CCDC102B: variants seen among roughly 807,000 people sequenced by gnomAD.
The protein encoded by CCDC102B is coiled-coil domain-containing protein 102B.
A neutral mutation model predicts 57.4 loss-of-function variants in CCDC102B; 75 were observed. The observed-to-expected ratio is 1.31, with a 90% CI of 1.08 to 1.58. CCDC102B has a LOEUF of 1.58. Ranked by LOEUF, CCDC102B falls within the 40% of genes most tolerant of loss-of-function variation. CCDC102B has a pLI of 0.00. For missense variants in CCDC102B, 636 were observed against 582.6 expected (o/e 1.09, Z -0.94); for synonymous variants, 206 against 201.9 (o/e 1.02, Z -0.17).
At chr18:68,938,906 T>G (rs1023007894) in intron 6 of CCDC102B, among the ~76,000 whole-genome samples, 3 of 151,802 alleles carry the variant, frequency 2.0e-5, no homozygotes, top group Non-Finnish European at 3.0e-5. Context: ...CAATAAAATA[T>G]CAATTAAATT....
At chr18:68,866,787 T>A (rs2039004772) in intron 4 of CCDC102B, 1 of 686,648 alleles carries the variant, frequency 1.5e-6, no homozygotes, top group South Asian at 1.4e-5. Flanking sequence ...TGTCGGTGCT[T>A]TTGCTCCCTG....
rs145109140 is a variant in CCDC102B, at chr18:68,918,133, A to G, written c.1263+20705A>G. Among the ~76,000 whole-genome samples the G allele has an allele frequency of 1.3e-3, 201 of 152,328 alleles. 1 individual carries two copies. The highest frequency in any genetic ancestry group is 4.7e-3 in the African/African-American group (197 of 41,574). ...ACAATTAGAAAATTCTTAAGTTTCT[A>G]TTAGAATAATGATCTGTTCATCTGA... is the stretch of plus-strand genomic sequence containing the variant. On this transcript the variant is annotated intron_variant, in intron 6 of 7. Coordinates refer to ENST00000360242, the MANE Select transcript of CCDC102B (RefSeq NM_024781.3).
intron 6 of CCDC102B, among the ~76,000 whole-genome samples, chr18:68,974,245 G>A (rs953674013): frequency 1.3e-5 from 2 of 151,936 alleles, no homozygotes; most frequent in Non-Finnish European, 1.5e-5. Flanking sequence ...TCTGCAAGTG[G>A]ACTTTCTCTC....
At chr18:68,873,021 G>A (rs2051300) in intron 4 of CCDC102B, among the ~76,000 whole-genome samples, 47,276 of 151,982 alleles carry the variant, frequency 0.31, 7,756 homozygotes, top group South Asian at 0.41. Context: ...AGGTTTCAGA[G>A]GTTAAACGGG....
intron 6 of CCDC102B, chr18:68,899,765 A>G (rs1159918393): frequency 6.6e-6 from 1 of 152,158 alleles, no homozygotes; most frequent in Non-Finnish European, 1.5e-5. Flanking sequence ...TAATTCAAAA[A>G]GGTAGGACTT....
intron 6 of CCDC102B, 67 bp downstream of exon 6, chr18:68,897,495 C>A: frequency 6.4e-7 from 1 of 1,563,364 alleles, no homozygotes; most frequent in South Asian, 1.1e-5. Flanking sequence ...CAGAGTCTGT[C>A]TTCACTCGTA....
At chr18:68,958,026 C>T (rs771405967) in intron 6 of CCDC102B, among the ~76,000 whole-genome samples, 3 of 152,156 alleles carry the variant, frequency 2.0e-5, no homozygotes, top group Admixed American at 6.6e-5. Flanking sequence ...GGGGAGGCCT[C>T]ACAATCATGG....
intron 5 of CCDC102B, among the ~76,000 whole-genome samples, chr18:68,889,416 GGTTTT>G (rs1285698064): frequency 6.6e-6 from 1 of 151,972 alleles, no homozygotes; most frequent in African/African-American, 2.4e-5. Context: ...ATAAATTAGT[GGTTTT>G]GTTTTGTTTT....
upstream of CCDC102B, among the ~76,000 whole-genome samples, chr18:68,794,765 G>A (rs2035573445): frequency 2.6e-5 from 4 of 152,188 alleles, no homozygotes; most frequent in East Asian, 1.9e-4. Context: ...CCATGGTGTC[G>A]ATGTACCCTT....
intron 2 of CCDC102B, among the ~76,000 whole-genome samples, chr18:68,743,931 AT>A (rs1185384409): frequency 6.6e-6 from 1 of 152,254 alleles, no homozygotes; most frequent in South Asian, 2.1e-4. Flanking sequence ...GGATAAATTA[AT>A]TTTTTTGTCC....
At chr18:68,839,946 G>A (rs2037555648) in intron 3 of CCDC102B, among the ~76,000 whole-genome samples, 1 of 152,186 alleles carries the variant, frequency 6.6e-6, no homozygotes, top group African/African-American at 2.4e-5. Flanking sequence ...TAATAAGGGT[G>A]TGTGGGATGC....
At chr18:69,041,923 A>C (rs1384281750) in intron 7 of CCDC102B, among the ~76,000 whole-genome samples, 1 of 152,012 alleles carries the variant, frequency 6.6e-6, no homozygotes, top group Non-Finnish European at 1.5e-5. Flanking sequence ...AGTTTATCAC[A>C]AAGTACCCTG....
chr18:68,924,185 T>A (rs1402344931), intron 6 of CCDC102B, among the ~76,000 whole-genome samples: 1 of 150,152 alleles, frequency 6.7e-6, no homozygotes, highest in East Asian at 2.0e-4. Flanking sequence ...TACATTTTCC[T>A]TATACACCTA....
At chr18:68,913,310 C>CTGTGTGTGTGTGTGTGTG (rs57064090) in intron 6 of CCDC102B, among the ~76,000 whole-genome samples, 4,270 of 135,524 alleles carry the variant, frequency 0.032, 128 homozygotes, top group Admixed American at 0.04. Context: ...TGGTTAGTGT[C>CTGTGTGTGTGTGTGTGTG]TGTGTGTGTG....
intron 2 of CCDC102B, among the ~76,000 whole-genome samples, chr18:68,772,647 T>C (rs1452639925): frequency 6.6e-6 from 1 of 152,166 alleles, no homozygotes; most frequent in Non-Finnish European, 1.5e-5. Flanking sequence ...ATGTTATCTC[T>C]TGATAAATTA....
In CCDC102B at chr18:68,836,960, A is replaced by G; in HGVS notation, c.197A>G (p.Lys66Arg). The G allele has an allele frequency of 1.2e-6, 2 of 1,614,082 alleles. No individual in the cohort carries two copies. Among genetic ancestry groups the G allele is most frequent in the South Asian group, 2.2e-5 (2 of 91,074 alleles). ...NFCAHSYNTNKWDICEELRLR... is the reference protein window; with the variant it reads ...NFCAHSYNTNRWDICEELRLR... ...TGTGCTCACTCATATAACACCAACAAATGGGATATTTGTGAAGAACTTCGC... is the reference window on the plus strand; with the variant it reads ...TGTGCTCACTCATATAACACCAACAGATGGGATATTTGTGAAGAACTTCGC... Residue 66 changes from lysine to arginine, a missense_variant, in exon 2 of 8, where the codon AAA becomes AGA. Coordinates refer to ENST00000360242, the MANE Select transcript of CCDC102B (RefSeq NM_024781.3).
At chr18:68,974,932 CT>C (rs1381238163) in intron 6 of CCDC102B, among the ~76,000 whole-genome samples, 1 of 151,622 alleles carries the variant, frequency 6.6e-6, no homozygotes, top group Non-Finnish European at 1.5e-5. Context: ...TTTACATAGG[CT>C]TTTTTAAATA....
chr18:68,986,559 C>T (rs551043166), intron 6 of CCDC102B, among the ~76,000 whole-genome samples: 86 of 152,194 alleles, frequency 5.7e-4, no homozygotes, highest in African/African-American at 2.0e-3. Context: ...AATGCTGGAA[C>T]CATTCCCCTT....
At chr18:68,981,821 A>G (rs1325954637) in intron 6 of CCDC102B, among the ~76,000 whole-genome samples, 4 of 151,986 alleles carry the variant, frequency 2.6e-5, no homozygotes, top group Non-Finnish European at 5.9e-5. Context: ...ATTCCCACCT[A>G]TGAGTGACAA....
Sources: gnomAD v4.1 joint callset for allele counts (sites outside exome capture counted in the v4.1 genomes callset) on GRCh38, gnomAD v4.1.1 for gene constraint, MANE v1.5 for transcripts, NCBI Gene and HGNC (gene_info 2026-07-23, HGNC 2026-07-21) for gene names.